Variants in JARID2 observed in about 807,000 individuals in gnomAD.
JARID2 encodes the protein jumonji and AT-rich interaction domain containing 2, also known as protein Jumonji.
JARID2 carries 21 observed loss-of-function variants against 125.6 expected under a neutral mutation model. The ratio of observed to expected loss-of-function variants is 0.17; its 90% CI spans 0.12 to 0.24. The LOEUF (loss-of-function observed/expected upper bound fraction) is 0.24, where lower values mean the gene tolerates loss of function less well. JARID2 is among the 10% of genes least tolerant of loss of function. The probability of loss-of-function intolerance (pLI) is 1.00; values close to 1 mark genes in which losing one functional copy is unlikely to be tolerated. For synonymous variants in JARID2, 736 were observed against 661.6 expected (o/e 1.11, Z -1.73); for missense variants, 1,303 against 1,639.6 (o/e 0.79, Z 3.55).
At chr6:15,386,881 A>G (rs1370551295) in intron 2 of JARID2, among the ~76,000 whole-genome samples, 2 of 152,250 alleles carry the variant, frequency 1.3e-5, no homozygotes, top group Admixed American at 6.5e-5. Flanking sequence ...TCTCAGAGTC[A>G]GACTGTCTCT....
chr6:15,412,034 T>G (rs965312235), intron 3 of JARID2, among the ~76,000 whole-genome samples: 1 of 152,206 alleles, frequency 6.6e-6, no homozygotes, highest in African/African-American at 2.4e-5. Context: ...CTGGAATTCT[T>G]TAAGGTAGTA....
At chr6:15,289,245 TAAATA>T (rs1293136584) in intron 1 of JARID2, among the ~76,000 whole-genome samples, 2 of 151,984 alleles carry the variant, frequency 1.3e-5, no homozygotes, top group Non-Finnish European at 2.9e-5. Context: ...GCAAAATAAA[TAAATA>T]AAAAAGAATA....
At chr6:15,398,798 C>CT (rs978195038) in intron 2 of JARID2, among the ~76,000 whole-genome samples, 59 of 152,156 alleles carry the variant, frequency 3.9e-4, no homozygotes, top group Admixed American at 1.6e-3. Context: ...TGTGTGCACT[C>CT]TGAGTGTTTG....
At chr6:15,324,651 GTT>G (rs1199393638) in intron 1 of JARID2, among the ~76,000 whole-genome samples, 1 of 144,548 alleles carries the variant, frequency 6.9e-6, no homozygotes, top group Admixed American at 7.0e-5. Flanking sequence ...TGATTTTTGT[GTT>G]TTTTTTTTTT....
At chr6:15,399,883 A>C (rs2237154) in intron 2 of JARID2, among the ~76,000 whole-genome samples, 1 of 152,078 alleles carries the variant, frequency 6.6e-6, no homozygotes, top group Non-Finnish European at 1.5e-5. Context: ...GAAGAGAAGC[A>C]TGTGGTAGTG....
intron 1 of JARID2, among the ~76,000 whole-genome samples, chr6:15,363,970 A>C (rs1398469107): frequency 1.3e-5 from 2 of 152,220 alleles, no homozygotes. Context: ...CCAAGGACAG[A>C]GTTTATTTGT....
intron 1 of JARID2, among the ~76,000 whole-genome samples, chr6:15,281,374 C>T (rs752222151): frequency 2.2e-4 from 34 of 152,254 alleles, no homozygotes; most frequent in Non-Finnish European, 4.6e-4. Flanking sequence ...AACGTGAATA[C>T]ATTGTGGTAT....
intron 2 of JARID2, among the ~76,000 whole-genome samples, chr6:15,380,701 T>A (rs1266104696): frequency 6.6e-6 from 1 of 152,178 alleles, no homozygotes; most frequent in Admixed American, 6.5e-5. Flanking sequence ...TTAAGAAATA[T>A]AATTTTGAAC....
intron 3 of JARID2, among the ~76,000 whole-genome samples, chr6:15,449,452 C>A (rs370218270): frequency 4.0e-5 from 6 of 151,802 alleles, no homozygotes; most frequent in African/African-American, 1.5e-4. Context: ...TCAAGACCAG[C>A]CTGGGCAACA....
At chr6:15,264,817 T>C (rs1760023469) in intron 1 of JARID2, among the ~76,000 whole-genome samples, 1 of 152,182 alleles carries the variant, frequency 6.6e-6, no homozygotes, top group East Asian at 1.9e-4. Context: ...CCTACTAAAA[T>C]TGCTTATTAG....
chr6:15,393,807 G>A (rs1432972661), intron 2 of JARID2, among the ~76,000 whole-genome samples: 3 of 152,174 alleles, frequency 2.0e-5, no homozygotes, highest in Admixed American at 6.5e-5. Flanking sequence ...TTATTTAAAT[G>A]TTTAGTAACA....
chr6:15,477,824 T>G (rs770209742), intron 5 of JARID2, among the ~76,000 whole-genome samples: 1 of 152,218 alleles, frequency 6.6e-6, no homozygotes, highest in Non-Finnish European at 1.5e-5. Context: ...ATTGAAAAGA[T>G]CTGGTGCCTG....
intron 2 of JARID2, among the ~76,000 whole-genome samples, chr6:15,392,947 A>C (rs970465014): frequency 2.6e-5 from 4 of 152,074 alleles, no homozygotes; most frequent in African/African-American, 9.7e-5. Flanking sequence ...TGCCTCCCAA[A>C]GTGCTGGGAT....
chr6:15,401,079 C>G, intron 2 of JARID2: 1 of 1,288,770 alleles, frequency 7.8e-7, no homozygotes. Context: ...GCTGGTATGG[C>G]TTTTGTTGGA....
At chr6:15,512,542 A>T in intron 14 of JARID2, 152 bp downstream of exon 14, 1 of 789,464 alleles carries the variant, frequency 1.3e-6, no homozygotes, top group Non-Finnish European at 2.0e-6. Context: ...CGTGGTTGAA[A>T]GGTCTTCTAG....
At chr6:15,290,304 C>T (rs972353259) in intron 1 of JARID2, among the ~76,000 whole-genome samples, 4 of 152,150 alleles carry the variant, frequency 2.6e-5, no homozygotes, top group Non-Finnish European at 4.4e-5. Flanking sequence ...GGCTGATAAA[C>T]TTTAGATTGT....
chr6:15,341,371 G>T (rs1045724573), intron 1 of JARID2, among the ~76,000 whole-genome samples: 1 of 152,178 alleles, frequency 6.6e-6, no homozygotes, highest in Non-Finnish European at 1.5e-5. Flanking sequence ...AACAGCAAAT[G>T]TAAGGTCTAG....
At chr6:15,330,238 A>T (rs757942633) in intron 1 of JARID2, among the ~76,000 whole-genome samples, 1 of 152,216 alleles carries the variant, frequency 6.6e-6, no homozygotes, top group Non-Finnish European at 1.5e-5. Context: ...TGGTATACAA[A>T]GCTAAATTGG....
At chr6:15,507,502 AG>A (rs890172678) in intron 11 of JARID2, 86 bp downstream of exon 11, 12 of 1,143,294 alleles carry the variant, frequency 1.0e-5, no homozygotes, top group Non-Finnish European at 1.3e-5. Flanking sequence ...ATCCCTTCTA[AG>A]CACTGCCGGG....
Sources: allele counts gnomAD v4.1 joint callset (sites outside exome capture counted in the v4.1 genomes callset), GRCh38; gene constraint gnomAD v4.1.1; transcripts MANE v1.5; gene names NCBI Gene and HGNC (gene_info 2026-07-23, HGNC 2026-07-21).